TULP4: variants seen among roughly 807,000 people sequenced by gnomAD.
TULP4 encodes the protein tubby-related protein 4.
A neutral mutation model predicts 129.0 loss-of-function variants in TULP4; 16 were observed. The observed-to-expected ratio is 0.12, with a 90% CI of 0.08 to 0.19. The LOEUF is 0.19. Among genes scored for constraint, TULP4 ranks in the 10% least tolerant of loss-of-function variants. TULP4 has a pLI of 1.00. For missense variants in TULP4, 1,842 were observed against 2,059.1 expected, an observed-to-expected ratio of 0.89 and a Z score of 2.04; for synonymous variants, 998 against 854.0, an observed-to-expected ratio of 1.17 and a Z score of -2.94.
At chr6:158,268,465 C>A (rs1426843518) in intron 1 of TULP4, among the ~76,000 whole-genome samples, 1 of 152,098 alleles carries the variant, frequency 6.6e-6, no homozygotes, top group Non-Finnish European at 1.5e-5. Flanking sequence ...TAACAAAATA[C>A]CTTAGACTGG....
intron 1 of TULP4, among the ~76,000 whole-genome samples, chr6:158,258,417 G>C (rs1778288747): frequency 6.6e-6 from 1 of 152,226 alleles, no homozygotes; most frequent in African/African-American, 2.4e-5. Context: ...TGACCCAGGT[G>C]TCCAGAGAGA....
chr6:158,420,894 G>C (rs1778324414), intron 2 of TULP4, among the ~76,000 whole-genome samples: 2 of 152,154 alleles, frequency 1.3e-5, no homozygotes, highest in African/African-American at 4.8e-5. Context: ...TGTCAACAAA[G>C]CGTCGAACTC....
At chr6:158,480,883 A>G (rs949665936) in intron 7 of TULP4, among the ~76,000 whole-genome samples, 172 bp from the exon 8 acceptor site, 2 of 151,976 alleles carry the variant, frequency 1.3e-5, no homozygotes, top group Non-Finnish European at 2.9e-5. Context: ...TGCTCCTACC[A>G]TTGCAAACCA....
intron 1 of TULP4, among the ~76,000 whole-genome samples, chr6:158,272,016 T>C (rs1778561308): frequency 1.3e-5 from 2 of 152,070 alleles, no homozygotes; most frequent in Admixed American, 6.5e-5. Flanking sequence ...AAATTAGAAA[T>C]GTATGAGTGA....
chr6:158,297,470 C>T (rs939296362), intron 1 of TULP4, among the ~76,000 whole-genome samples: 6 of 151,860 alleles, frequency 4.0e-5, no homozygotes, highest in African/African-American at 1.5e-4. Flanking sequence ...ACGAAGATAA[C>T]GGGATTAAAA....
intron 1 of TULP4, among the ~76,000 whole-genome samples, chr6:158,359,258 C>T (rs896642668): frequency 2.0e-5 from 3 of 152,092 alleles, no homozygotes; most frequent in African/African-American, 7.2e-5. Flanking sequence ...AAAAAAAAAT[C>T]GTTCTTTGCC....
At position 158,503,505 on chromosome 6, in the gene TULP4, C is replaced by T. The variant is rs762406629; in HGVS notation, c.3842C>T (p.Pro1281Leu). The change falls in exon 13 of 14, where the codon CCA (proline) becomes CTA (leucine). Residue 1281 changes from proline (P) to leucine (L), a missense_variant. Pro to Leu is a moderately conservative substitution (Grantham distance 98, BLOSUM62 -3). Around this residue, in one of 5 missense-constraint regions of TULP4, gnomAD observed 1,089 missense variants for 987.1 expected, o/e 1.10. Transcript: ENST00000367097. This position sits in a 1 kb window ranked among gnomAD's most constrained non-coding sequence, Gnocchi z 4.3. ...CAGAACCCCCAGGGCACTCTCCCCCCAAAGCCACACTTGGTGGTGGAGAAG... is the reference window on the plus strand; with the variant it reads ...CAGAACCCCCAGGGCACTCTCCCCCTAAAGCCACACTTGGTGGTGGAGAAG... Reference protein sequence around the residue: ...PMQNPQGTLPPKPHLVVEKPL... With the variant: ...PMQNPQGTLPLKPHLVVEKPL... 4 of 1,614,010 alleles carry T rather than the reference C, an allele frequency of 2.5e-6. No homozygotes were observed. The highest frequency in any genetic ancestry group is 2.7e-5 in the African/African-American group (2 of 75,020).
chr6:158,333,879 G>A (rs1456413569), intron 1 of TULP4, among the ~76,000 whole-genome samples: 2 of 152,142 alleles, frequency 1.3e-5, no homozygotes, highest in Non-Finnish European at 2.9e-5. Context: ...GCTACTTTCA[G>A]TCAAGGGAAA....
chr6:158,331,227 T>C (rs1429290924), intron 1 of TULP4, among the ~76,000 whole-genome samples: 1 of 152,174 alleles, frequency 6.6e-6, no homozygotes, highest in African/African-American at 2.4e-5. Context: ...TTTTCTATGA[T>C]GGTTGCAAAA....
Position 158,508,956 on chromosome 6 carries a change from C to T in TULP4, c.*2262C>T, listed in dbSNP as rs1243442579. The T allele has an allele frequency of 3.8e-5, 5 of 131,856 alleles. No individual in the cohort carries two copies. Among genetic ancestry groups the T allele is most frequent in the East Asian group, 2.4e-4 (1 of 4,166 alleles). 8.2% of individuals were successfully genotyped at this position (131,856 alleles called of 1,614,324 possible). ...CAACTAGAGTGTAGTGGCACAATCT[C>T]GGCTCCCCACAACCTCTGACTCCAG... On this transcript the variant is annotated 3_prime_UTR_variant, in exon 14 of 14. Coordinates refer to ENST00000367097, the MANE Select transcript of TULP4 (RefSeq NM_020245.5).
chr6:158,378,001 C>T (rs976453911), intron 1 of TULP4, among the ~76,000 whole-genome samples: 2 of 152,138 alleles, frequency 1.3e-5, no homozygotes, highest in East Asian at 3.9e-4. Context: ...CAGTTCTTCT[C>T]TGAGGGCTGA....
intron 9 of TULP4, among the ~76,000 whole-genome samples, chr6:158,491,403 TTC>T (rs1780196137): frequency 3.9e-5 from 1 of 25,734 alleles, no homozygotes; most frequent in Admixed American, 5.6e-4. Flanking sequence ...CTTTCTTTCT[TTC>T]TTTCTTTCTT....
intron 9 of TULP4, among the ~76,000 whole-genome samples, chr6:158,490,117 G>T (rs1780166876): frequency 6.6e-6 from 1 of 152,210 alleles, no homozygotes; most frequent in Non-Finnish European, 1.5e-5. Flanking sequence ...TAATGCTGGA[G>T]CCGGGCACAG....
chr6:158,298,677 C>A (rs561301387), intron 1 of TULP4, among the ~76,000 whole-genome samples: 1 of 152,052 alleles, frequency 6.6e-6, no homozygotes, highest in Non-Finnish European at 1.5e-5. Flanking sequence ...TTTGATTGTT[C>A]GTCCAAATTT....
intron 1 of TULP4, among the ~76,000 whole-genome samples, chr6:158,251,180 A>C (rs948777385): frequency 6.6e-6 from 1 of 152,224 alleles, no homozygotes; most frequent in South Asian, 2.1e-4. Context: ...CTGTTACCAC[A>C]TAATATTATT....
chr6:158,449,277 A>C, intron 4 of TULP4, 101 bp downstream of exon 4: 1 of 1,269,046 alleles, frequency 7.9e-7, no homozygotes, highest in Non-Finnish European at 1.1e-6. Flanking sequence ...AAGGGCCGCC[A>C]CACCTACGGC....
intron 1 of TULP4, among the ~76,000 whole-genome samples, chr6:158,293,067 C>T (rs1778972470): frequency 6.6e-6 from 1 of 151,626 alleles, no homozygotes; most frequent in Non-Finnish European, 1.5e-5. Context: ...CTAACTTCCA[C>T]TTTCTTTTAA....
At chr6:158,280,312 C>G (rs945022776), upstream of TULP4, among the ~76,000 whole-genome samples, 9 of 151,938 alleles carry the variant, frequency 5.9e-5, no homozygotes, top group African/African-American at 1.9e-4. Flanking sequence ...TTTTTAATTG[C>G]CTTTTTATTT....
intron 1 of TULP4, among the ~76,000 whole-genome samples, chr6:158,384,524 A>G (rs553854750): frequency 2.0e-4 from 31 of 152,166 alleles, no homozygotes; most frequent in Admixed American, 1.8e-3. Context: ...TCCTGACCTC[A>G]TGATCCACCC....
Sources: gnomAD v4.1 joint callset for allele counts (sites outside exome capture counted in the v4.1 genomes callset) on GRCh38, gnomAD v4.1.1 for gene constraint, gnomAD v4.1.1 regional missense constraint, Gnocchi (gnomAD v3.1) non-coding constraint, MANE v1.5 for transcripts, NCBI Gene and HGNC (gene_info 2026-07-23, HGNC 2026-07-21) for gene names.